The following CNTLN variants were observed in gnomAD, a reference collection of about 807,000 sequenced individuals.
CNTLN encodes centlein, centrosomal protein.
In CNTLN, 212 loss-of-function variants were observed where a neutral mutation model predicts 180.0. The observed-to-expected ratio is 1.18, with a 90% confidence interval of 1.05 to 1.32. The LOEUF is 1.32. Among genes scored for constraint, CNTLN ranks in the 40% most tolerant of loss-of-function variants. CNTLN has a pLI of 0.00. For synonymous variants in CNTLN, 722 were observed against 563.1 expected (o/e 1.28, Z -3.99); for missense variants, 2,095 against 1,610.9 (o/e 1.30, Z -5.14).
chr9:17,228,314 A>G (rs1351329026), intron 3 of CNTLN, among the ~76,000 whole-genome samples: 2 of 151,934 alleles, frequency 1.3e-5, no homozygotes, highest in African/African-American at 4.8e-5. Flanking sequence ...TTATCTTTTG[A>G]GTGGAATCAC....
In CNTLN at chr9:17,457,599, A is replaced by T; in HGVS notation, c.3190A>T (p.Ile1064Phe). 1 of 1,567,154 alleles carries T rather than the reference A, an allele frequency of 6.4e-7. No homozygotes were observed. The highest frequency in any genetic ancestry group is 1.2e-5 in the South Asian group (1 of 83,630). The part of the protein sequence containing the change: ...LLKKLESSSE[I>F]TSLAEENSQV... ...AAAGAAATTGGAGTCCTCATCTGAA[A>T]TCACAAGTTTGGCAGAAGAAAATTC... Residue 1064 changes from isoleucine to phenylalanine, a missense_variant, in exon 19 of 26, where the codon ATC becomes TTC. Coordinates refer to ENST00000380647, the MANE Select transcript of CNTLN (RefSeq NM_017738.4).
chr9:17,449,573 G>T (rs1278366043), intron 18 of CNTLN, among the ~76,000 whole-genome samples: 1 of 151,832 alleles, frequency 6.6e-6, no homozygotes, highest in Non-Finnish European at 1.5e-5. Flanking sequence ...CAAACCAACA[G>T]TCAAACTCTT....
intron 5 of CNTLN, among the ~76,000 whole-genome samples, chr9:17,265,796 T>G (rs548108524): frequency 6.6e-6 from 1 of 152,364 alleles, no homozygotes; most frequent in South Asian, 2.1e-4. Flanking sequence ...AATTTATCCA[T>G]TTCTTCTACA....
intron 8 of CNTLN, among the ~76,000 whole-genome samples, chr9:17,315,858 C>G (rs940602500): frequency 6.6e-6 from 1 of 151,892 alleles, no homozygotes; most frequent in African/African-American, 2.4e-5. Context: ...TTGTTTAGGT[C>G]TTTATCTGTA....
At chr9:17,518,344 G>A in the CNTLN span, among the ~76,000 whole-genome samples, 7 of 152,004 alleles carry the variant, frequency 4.6e-5, no homozygotes, top group East Asian at 1.4e-3. Flanking sequence ...ACCGTGCCTG[G>A]CCTCCATAAA....
intron 10 of CNTLN, among the ~76,000 whole-genome samples, chr9:17,335,986 A>G (rs1486664112): frequency 6.6e-6 from 1 of 151,986 alleles, no homozygotes; most frequent in African/African-American, 2.4e-5. Context: ...TACAAAATCC[A>G]AAGGAAGTAC....
intron 7 of CNTLN, among the ~76,000 whole-genome samples, 167 bp from the exon 8 acceptor site, chr9:17,308,891 A>AT (rs140618334): frequency 0.84 from 127,422 of 150,948 alleles, 54,177 homozygotes; most frequent in Non-Finnish European, 0.88. Flanking sequence ...TAAATTAGTT[A>AT]TTTTTTGTGT....
chr9:17,282,793 G>T (rs1402422363), intron 6 of CNTLN, among the ~76,000 whole-genome samples: 1 of 152,110 alleles, frequency 6.6e-6, no homozygotes, highest in Non-Finnish European at 1.5e-5. Context: ...TCCAGTTTCA[G>T]TTTTCTCCTT....
At chr9:17,225,419 A>G (rs769394506) in intron 2 of CNTLN, among the ~76,000 whole-genome samples, 18 of 152,030 alleles carry the variant, frequency 1.2e-4, no homozygotes, top group Non-Finnish European at 2.6e-4. Context: ...ATTCTCACAG[A>G]TATAGATTTG....
chr9:17,235,733 T>G lies in CNTLN; in HGVS notation c.610T>G (p.Leu204Val). The G allele has an allele frequency of 6.2e-7, 1 of 1,606,178 alleles. No homozygotes were observed. The highest frequency in any genetic ancestry group is 8.5e-7 in the Non-Finnish European group (1 of 1,176,316). The change falls in exon 4 of 26, where the codon TTA becomes GTA. Residue 204 changes from leucine to valine, a missense_variant. Physicochemically the swap from Leu to Val is conservative, Grantham distance 32. Transcript: ENST00000380647. Reference sequence around the variant, plus strand: ...TGCAGTAGATGAAGAAAATGCTTTCTTAAGGAAAGAATTCAGTGACTTGGA... The same window carrying G: ...TGCAGTAGATGAAGAAAATGCTTTCGTAAGGAAAGAATTCAGTGACTTGGA... ...KIAVDEENAF[L>V]RKEFSDLEKK...
chr9:17,444,039 T>A (rs917383918), intron 18 of CNTLN, among the ~76,000 whole-genome samples: 19 of 152,170 alleles, frequency 1.2e-4, no homozygotes, highest in African/African-American at 4.6e-4. Flanking sequence ...AAGACTGTCT[T>A]GATAGCAAGT....
chr9:17,281,762 C>A (rs1202165072), intron 6 of CNTLN, among the ~76,000 whole-genome samples: 1 of 152,058 alleles, frequency 6.6e-6, no homozygotes, highest in Non-Finnish European at 1.5e-5. Flanking sequence ...GTGTATGTAT[C>A]TTTATAATAG....
chr9:17,198,318 T>G (rs894363319), intron 2 of CNTLN, among the ~76,000 whole-genome samples: 2 of 152,002 alleles, frequency 1.3e-5, no homozygotes, highest in African/African-American at 4.8e-5. Context: ...TGTAGATGGC[T>G]TTGGGTAGTA....
chr9:17,484,372 C>T lies in CNTLN; in HGVS notation c.3933C>T (p.Asn1311=). 1.9e-6 allele frequency: 3 copies of T among 1,612,358 alleles called. No homozygotes were observed. Among genetic ancestry groups the T allele is most frequent in the Non-Finnish European group, 1.7e-6 (2 of 1,179,374 alleles). The change falls in exon 24 of 26, where the codon AAC becomes AAT. Residue 1311 remains asparagine, a synonymous_variant. Transcript: ENST00000380647. ...QIRELKKMKK[N]RDACKTSTHK... is the part of the protein sequence containing the mutation. ...GAGAGCTTAAAAAAATGAAGAAAAA[C>T]AGGGACGCCTGTAAAACCTCAACCC... is the stretch of plus-strand genomic sequence containing the variant.
At chr9:17,418,004 C>A (rs1436315261) in intron 18 of CNTLN, among the ~76,000 whole-genome samples, 1 of 151,832 alleles carries the variant, frequency 6.6e-6, no homozygotes, top group Non-Finnish European at 1.5e-5. Flanking sequence ...TGAATTTCTC[C>A]CTGAAGTTAC....
At chr9:17,371,950 G>C (rs1250363192) in intron 13 of CNTLN, among the ~76,000 whole-genome samples, 1 of 151,930 alleles carries the variant, frequency 6.6e-6, no homozygotes, top group East Asian at 1.9e-4. Flanking sequence ...TAGAACCTAT[G>C]GGATACAGCA....
chr9:17,257,146 T>A (rs1826561920), intron 5 of CNTLN, among the ~76,000 whole-genome samples: 2 of 151,162 alleles, frequency 1.3e-5, no homozygotes, highest in South Asian at 2.1e-4. Context: ...CCCACAACAG[T>A]CCCCAGAGTG....
At chr9:17,255,549 A>G in intron 5 of CNTLN, among the ~76,000 whole-genome samples, 1 of 151,714 alleles carries the variant, frequency 6.6e-6, no homozygotes, top group East Asian at 1.9e-4. Context: ...CCACTTGGTC[A>G]TGTTATGTAA....
At chr9:17,164,538 C>T (rs1819928964) in intron 2 of CNTLN, among the ~76,000 whole-genome samples, 1 of 135,594 alleles carries the variant, frequency 7.4e-6, no homozygotes. Flanking sequence ...TACCTCGGCT[C>T]ACTGTGACCT....
Sources: gnomAD v4.1 joint callset for allele counts (sites outside exome capture counted in the v4.1 genomes callset) on GRCh38, gnomAD v4.1.1 for gene constraint, MANE v1.5 for transcripts, NCBI Gene and HGNC (gene_info 2026-07-23, HGNC 2026-07-21) for gene names.